SEPTIN11: variants seen among roughly 807,000 people sequenced by gnomAD.
The protein encoded by SEPTIN11 is septin-11.
Under a neutral mutation model 51.4 loss-of-function variants are expected in SEPTIN11, and 25 were observed. That is an observed-to-expected ratio of 0.49 (90% confidence interval 0.35 to 0.68). The LOEUF (loss-of-function observed/expected upper bound fraction) is 0.68. SEPTIN11 is among the 30% of genes least tolerant of loss of function. The pLI is 0.00. For synonymous variants in SEPTIN11, 174 were observed against 184.1 expected (o/e 0.95, Z 0.44); for missense variants, 381 against 520.8 (o/e 0.73, Z 2.61).
At chr4:77,028,925 C>T (rs1429517848) in intron 8 of SEPTIN11, among the ~76,000 whole-genome samples, 164 bp downstream of exon 8, 1 of 152,170 alleles carries the variant, frequency 6.6e-6, no homozygotes, top group East Asian at 1.9e-4. Flanking sequence ...ATTCTCATCC[C>T]TGTCTTACAG....
Position 76,985,881 on chromosome 4 carries a change from G to A in SEPTIN11, c.28-10544G>A, listed in dbSNP as rs564768716. Among the ~76,000 whole-genome samples, 67 of 152,324 alleles carry A rather than the reference G, an allele frequency of 4.4e-4. 1 individual carries two copies. Among genetic ancestry groups the A allele is most frequent in the Middle Eastern group, 3.4e-3 (1 of 294 alleles). ...ACAAATTTTGGTGAAGTCGAATGAGGGCAGCGTTAAGAGAAATATCAAAGT... is the reference window on the plus strand; with the variant it reads ...ACAAATTTTGGTGAAGTCGAATGAGAGCAGCGTTAAGAGAAATATCAAAGT... On this transcript the variant is annotated intron_variant, in intron 1 of 9. Transcript: ENST00000264893.
At chr4:77,022,691 A>G (rs772333959) in intron 7 of SEPTIN11, among the ~76,000 whole-genome samples, 19 of 152,212 alleles carry the variant, frequency 1.2e-4, no homozygotes, top group Non-Finnish European at 2.5e-4. Context: ...AAAAGTTAGA[A>G]TGCATGTGAC....
chr4:77,002,815 G>A (rs1377340809), intron 2 of SEPTIN11, among the ~76,000 whole-genome samples: 10 of 151,696 alleles, frequency 6.6e-5, no homozygotes, highest in Non-Finnish European at 7.4e-5. Flanking sequence ...ACAGGAAACC[G>A]TCTCAACTGC....
Position 76,949,852 on chromosome 4 carries a change from C to T in SEPTIN11, c.-52C>T, listed in dbSNP as rs1578107078. ...CCGGAGCCCGAGCACTAGCAGCAGC[C>T]GGAGTCGGCGTAAAGCACCCGGGCG... On this transcript the variant is annotated 5_prime_UTR_variant, in exon 1 of 10. Transcript: ENST00000264893. 1.3e-6 allele frequency: 2 copies of T among 1,504,544 alleles called. No homozygotes were observed. The highest frequency in any genetic ancestry group is 2.1e-5 in the Admixed American group (1 of 48,778). The allele number at this position is 1,504,544 out of a possible 1,614,324, so 93.2% of individuals were successfully genotyped here. A position where few individuals can be genotyped will look rare whatever the true frequency, so the allele number is the denominator to read the frequency against.
At chr4:77,019,338 T>A (rs1308981010) in intron 6 of SEPTIN11, 77 bp downstream of exon 6, 4 of 1,289,432 alleles carry the variant, frequency 3.1e-6, no homozygotes, top group Non-Finnish European at 4.3e-6. Context: ...ATTTTCCGTC[T>A]TGTTTAGGGA....
rs775472362 is a variant in SEPTIN11 at position 77,014,858 on chromosome 4, G to A, written c.528G>A (p.Val176=). 2 of 1,613,810 alleles carry A rather than the reference G, an allele frequency of 1.2e-6. No individual in the cohort carries two copies. The highest frequency in any genetic ancestry group is 8.5e-7 in the Non-Finnish European group (1 of 1,179,874). ...LVTMKKLDSK[V]NIIPIIAKAD... is the part of the protein sequence containing the mutation. ...AAATGGACGTGTCTGTTTTACAGGT[G>A]AACATCATTCCAATAATTGCAAAAG... is the stretch of plus-strand genomic sequence containing the variant. Residue 176 remains valine, a splice_region_variant and synonymous_variant, in exon 5 of 10, where the codon GTG becomes GTA. Transcript: ENST00000264893.
chr4:76,993,023 C>T (rs546471383), intron 1 of SEPTIN11, among the ~76,000 whole-genome samples: 2 of 149,668 alleles, frequency 1.3e-5, no homozygotes, highest in Admixed American at 6.7e-5. Context: ...ACCTTGAGTA[C>T]CGAGATCCCC....
intron 1 of SEPTIN11, among the ~76,000 whole-genome samples, chr4:76,983,488 C>T (rs1722872360): frequency 6.6e-6 from 1 of 152,180 alleles, no homozygotes; most frequent in Non-Finnish European, 1.5e-5. Flanking sequence ...GCTTGGCCCA[C>T]ACTTTGATTT....
At chr4:77,012,735 G>T (rs1037358472) in intron 4 of SEPTIN11, among the ~76,000 whole-genome samples, 1 of 152,204 alleles carries the variant, frequency 6.6e-6, no homozygotes, top group Admixed American at 6.5e-5. Context: ...AAAACAGTGA[G>T]AGAATGCTCA....
chr4:77,029,239 G>C (rs1726413322), intron 8 of SEPTIN11, among the ~76,000 whole-genome samples: 1 of 152,186 alleles, frequency 6.6e-6, no homozygotes, highest in Admixed American at 6.5e-5. Context: ...TGCACTCCCT[G>C]CTTCAGCCTT....
intron 1 of SEPTIN11, 138 bp downstream of exon 1, chr4:76,950,068 A>G: frequency 1.1e-6 from 1 of 903,010 alleles, no homozygotes; most frequent in Non-Finnish European, 1.5e-6. Flanking sequence ...TGTGTGCACG[A>G]ATTTGGGCGC....
At chr4:77,018,151 T>C (rs1026395910) in intron 5 of SEPTIN11, among the ~76,000 whole-genome samples, 2 of 152,102 alleles carry the variant, frequency 1.3e-5, no homozygotes, top group Non-Finnish European at 2.9e-5. Context: ...AATTATTAGA[T>C]ATTTTAGGCT....
chr4:77,002,497 T>C (rs999881819), intron 2 of SEPTIN11, among the ~76,000 whole-genome samples: 10 of 152,202 alleles, frequency 6.6e-5, no homozygotes, highest in Admixed American at 4.6e-4. Flanking sequence ...GCAGATCTGC[T>C]TCTGTGCCTT....
intron 5 of SEPTIN11, among the ~76,000 whole-genome samples, chr4:77,018,561 T>C (rs1657450196): frequency 6.6e-6 from 1 of 152,222 alleles, no homozygotes; most frequent in African/African-American, 2.4e-5. Flanking sequence ...TTTATCTGTA[T>C]TTACATTTTG....
Position 77,036,297 on chromosome 4 carries a change from A to G in SEPTIN11, c.*1785A>G. 9.8e-7 allele frequency: 1 copy of G among 1,016,820 alleles called. No individual in the cohort carries two copies. The highest frequency in any genetic ancestry group is 1.2e-6 in the Non-Finnish European group (1 of 849,848). The allele number at this position is 1,016,820 out of a possible 1,614,324, so 63.0% of individuals were successfully genotyped here. On this transcript the variant is annotated 3_prime_UTR_variant, in exon 10 of 10. Transcript: ENST00000264893. Reference sequence around the variant, plus strand: ...TGCTTTTGTTTTTTTAAATAATTCTAGTCTGGAGCTAACTGTGGAGCAGCC... The same window carrying G: ...TGCTTTTGTTTTTTTAAATAATTCTGGTCTGGAGCTAACTGTGGAGCAGCC...
rs534944507 is a variant in SEPTIN11, at chr4:76,959,426, G to A, written c.27+9496G>A. 5.9e-5 allele frequency among the ~76,000 whole-genome samples: 9 copies of A among 151,310 alleles called. No individual in the cohort carries two copies. The East Asian group carries it at 1.5e-3, about 26-fold the overall frequency. On this transcript the variant is annotated intron_variant, in intron 1 of 9. Transcript: ENST00000264893. The stretch of plus-strand genomic sequence containing the variant: ...ACGGGCACATGGCCAGATTAAAAAA[G>A]TAGACTCAAAAAAAAAAATTTGTAT...
At position 76,969,250 on chromosome 4, in the gene SEPTIN11, A is replaced by C. The variant is rs1722148270; in HGVS notation, c.27+19320A>C. 3.9e-5 allele frequency among the ~76,000 whole-genome samples: 6 copies of C among 152,088 alleles called. No individual in the cohort carries two copies. The South Asian group carries it at 1.2e-3, about 32-fold the overall frequency. ...TTGCATTGAGGATCTGGGACTCTTG[A>C]ACACATTGTCTTGTTGTAATCGTAT... On this transcript the variant is annotated intron_variant, in intron 1 of 9. Coordinates refer to ENST00000264893, the MANE Select transcript of SEPTIN11 (RefSeq NM_018243.4).
At chr4:77,016,411 A>G (rs1452330813) in intron 5 of SEPTIN11, among the ~76,000 whole-genome samples, 1 of 149,748 alleles carries the variant, frequency 6.7e-6, no homozygotes, top group Non-Finnish European at 1.5e-5. Context: ...GCATCCATGG[A>G]TTTCACCAAC....
chr4:77,024,011 C>G lies in SEPTIN11; in HGVS notation c.953+3341C>G, dbSNP rs1725925583. Among the ~76,000 whole-genome samples, 1 of 152,168 alleles carries G rather than the reference C, an allele frequency of 6.6e-6. No homozygotes were observed. Among genetic ancestry groups the G allele is most frequent in the African/African-American group, 2.4e-5 (1 of 41,456 alleles). ...AGTGAAGTTCATCCTTCCCAGTGAG[C>G]ACCCTCGTTCACCTTTTGTCCTCTG... On this transcript the variant is annotated intron_variant, in intron 7 of 9. Transcript: ENST00000264893. The surrounding 1 kb of genome is among the most constrained non-coding windows in gnomAD (Gnocchi z 4.2).
Sources: gnomAD v4.1 joint callset for allele counts (sites outside exome capture counted in the v4.1 genomes callset) on GRCh38, gnomAD v4.1.1 for gene constraint, Gnocchi (gnomAD v3.1) non-coding constraint, MANE v1.5 for transcripts, NCBI Gene and HGNC (gene_info 2026-07-23, HGNC 2026-07-21) for gene names.